GRM7: variants seen among roughly 807,000 people sequenced by gnomAD.
GRM7 encodes the protein metabotropic glutamate receptor 7.
GRM7 carries 35 observed loss-of-function variants against 84.5 expected under a neutral mutation model. The ratio of observed to expected loss-of-function variants is 0.41; its 90% confidence interval spans 0.32 to 0.55. GRM7 has a LOEUF of 0.55. Ranked by LOEUF, GRM7 falls within the 20% of genes least tolerant of loss-of-function variation. The pLI is 0.19. For synonymous variants in GRM7, 487 were observed against 455.1 expected (o/e 1.07, Z -0.89); for missense variants, 1,003 against 1,194.6 (o/e 0.84, Z 2.36).
rs1184648034 is a variant in GRM7, at chr3:7,221,821, T to G, written c.736+75153T>G. Among the ~76,000 whole-genome samples, 10 of 147,884 alleles carry G rather than the reference T, an allele frequency of 6.8e-5. No individual in the cohort carries two copies. In the South Asian group the frequency reaches 1.1e-3, roughly 16 times the overall value. On this transcript the variant is annotated intron_variant, in intron 2 of 9. Coordinates refer to ENST00000357716, the MANE Select transcript of GRM7 (RefSeq NM_000844.4). ...TTTCTTGTATTTTTTTTTTTTTTTTTTTTGTGATGGAGTCTTACTCTGTCG... is the reference window on the plus strand; with the variant it reads ...TTTCTTGTATTTTTTTTTTTTTTTTGTTTGTGATGGAGTCTTACTCTGTCG...
intron 7 of GRM7, among the ~76,000 whole-genome samples, chr3:7,564,003 G>A (rs1449467984): frequency 1.3e-5 from 2 of 152,248 alleles, no homozygotes; most frequent in South Asian, 4.1e-4. Flanking sequence ...TTATTATGAA[G>A]AGAAAGCAGA....
At chr3:7,071,349 G>T (rs1697875954) in intron 1 of GRM7, among the ~76,000 whole-genome samples, 1 of 152,110 alleles carries the variant, frequency 6.6e-6, no homozygotes, top group South Asian at 2.1e-4. Flanking sequence ...GAGCCTGAGG[G>T]ATTCAACTAG....
At chr3:7,153,685 A>G (rs1304288960) in intron 2 of GRM7, among the ~76,000 whole-genome samples, 1 of 152,144 alleles carries the variant, frequency 6.6e-6, no homozygotes, top group East Asian at 1.9e-4. Context: ...GGGACAAGAA[A>G]TCTGGTGATA....
chr3:7,189,565 T>C (rs1037469593), intron 2 of GRM7, among the ~76,000 whole-genome samples: 6 of 152,134 alleles, frequency 3.9e-5, no homozygotes, highest in African/African-American at 1.4e-4. Flanking sequence ...TTCTGAGAGA[T>C]ATTTATGGGG....
intron 1 of GRM7, among the ~76,000 whole-genome samples, chr3:7,049,474 T>C (rs1696919601): frequency 6.6e-6 from 1 of 151,930 alleles, no homozygotes; most frequent in South Asian, 2.1e-4. Flanking sequence ...TATGAATCAA[T>C]TATTTCCACC....
intron 8 of GRM7, among the ~76,000 whole-genome samples, chr3:7,637,048 TG>T (rs1451631264): frequency 6.6e-6 from 1 of 152,248 alleles, no homozygotes; most frequent in Non-Finnish European, 1.5e-5. Flanking sequence ...TCTAAATTTT[TG>T]CCCCATTTTT....
chr3:6,868,532 C>G (rs1281512471), intron 1 of GRM7, among the ~76,000 whole-genome samples: 2 of 152,118 alleles, frequency 1.3e-5, no homozygotes, highest in African/African-American at 4.8e-5. Context: ...AATAAATATA[C>G]AGTAGACTTT....
At chr3:7,042,814 A>G (rs1269279496) in intron 1 of GRM7, among the ~76,000 whole-genome samples, 3 of 152,050 alleles carry the variant, frequency 2.0e-5, no homozygotes, top group Non-Finnish European at 4.4e-5. Flanking sequence ...CCTCCCAAAT[A>G]TTGGTCATTT....
intron 1 of GRM7, among the ~76,000 whole-genome samples, chr3:6,962,643 GGTTCAGTTAGTGTAAGTAGT>G (rs1693345960): frequency 6.6e-6 from 1 of 152,176 alleles, no homozygotes; most frequent in Non-Finnish European, 1.5e-5. Context: ...AACATGACAA[GGTTCAGTTAGTGTAAGTAGT>G]TTGTTAAGGT....
chr3:7,338,743 T>C (rs1007399239), intron 4 of GRM7, among the ~76,000 whole-genome samples: 1 of 152,046 alleles, frequency 6.6e-6, no homozygotes, highest in African/African-American at 2.4e-5. Context: ...GTCATGATTG[T>C]AGAAATAAAG....
chr3:6,888,405 T>C (rs1266586692), intron 1 of GRM7, among the ~76,000 whole-genome samples: 1 of 152,330 alleles, frequency 6.6e-6, no homozygotes, highest in Non-Finnish European at 1.5e-5. Flanking sequence ...AATTAATTTT[T>C]GTATAAGGTG....
At chr3:7,713,795 CTTT>C (rs60007117) in intron 9 of GRM7, among the ~76,000 whole-genome samples, 6,966 of 65,044 alleles carry the variant, frequency 0.11, 213 homozygotes, top group South Asian at 0.18. Flanking sequence ...CGGATGCTTT[CTTT>C]TTTTTTTTTT....
At chr3:7,050,738 G>A (rs1228426908) in intron 1 of GRM7, among the ~76,000 whole-genome samples, 1 of 151,888 alleles carries the variant, frequency 6.6e-6, no homozygotes, top group African/African-American at 2.4e-5. Flanking sequence ...TGTATTGAAT[G>A]CTGTTGTTTC....
chr3:6,869,890 CTCCTTCTT>C (rs544069129), intron 1 of GRM7, among the ~76,000 whole-genome samples: 51 of 152,134 alleles, frequency 3.4e-4, no homozygotes, highest in Non-Finnish European at 5.7e-4. Context: ...ATAAGCTTTA[CTCCTTCTT>C]TCCTTATCTT....
At chr3:7,389,536 G>C (rs62235463) in intron 4 of GRM7, among the ~76,000 whole-genome samples, 47,641 of 151,948 alleles carry the variant, frequency 0.31, 8,983 homozygotes, top group Non-Finnish European at 0.43. Flanking sequence ...TATAAGTCCA[G>C]GTGCTCCAAT....
At chr3:7,153,133 A>ATTTTTTTTTTTTT (rs34465661) in intron 2 of GRM7, among the ~76,000 whole-genome samples, 1 of 103,384 alleles carries the variant, frequency 9.7e-6, no homozygotes, top group Non-Finnish European at 1.9e-5. Context: ...GGTACTGTGG[A>ATTTTTTTTTTTTT]TTTTTTTTTT....
chr3:7,237,940 A>G (rs1365085519), intron 2 of GRM7, among the ~76,000 whole-genome samples: 2 of 152,124 alleles, frequency 1.3e-5, no homozygotes, highest in Non-Finnish European at 2.9e-5. Flanking sequence ...GTGCGTTTAC[A>G]GACCTTTAGC....
intron 1 of GRM7, among the ~76,000 whole-genome samples, chr3:6,930,326 A>T (rs535485120): frequency 6.6e-6 from 1 of 152,226 alleles, no homozygotes; most frequent in African/African-American, 2.4e-5. Flanking sequence ...AGACCATCCT[A>T]AAGTGAAACA....
chr3:7,189,430 G>A (rs1042697994), intron 2 of GRM7, among the ~76,000 whole-genome samples: 12 of 151,978 alleles, frequency 7.9e-5, no homozygotes, highest in African/African-American at 2.9e-4. Context: ...TCTGGCTTTG[G>A]GTTTATAATG....
Sources: allele counts gnomAD v4.1 joint callset (sites outside exome capture counted in the v4.1 genomes callset), GRCh38; gene constraint gnomAD v4.1.1; transcripts MANE v1.5; gene names NCBI Gene and HGNC (gene_info 2026-07-23, HGNC 2026-07-21).